Variants in COMMD10 observed in about 807,000 individuals in gnomAD.
COMMD10 encodes the protein COMM domain containing 10, also known as COMM domain-containing protein 10.
In COMMD10, 33 loss-of-function variants were observed where a neutral mutation model predicts 28.9. That is an observed-to-expected ratio of 1.14 (90% CI 0.87 to 1.53). The LOEUF (loss-of-function observed/expected upper bound fraction) is 1.53. Ranked by LOEUF, COMMD10 falls within the 40% of genes most tolerant of loss-of-function variation. The pLI is 0.00. For missense variants in COMMD10, 310 were observed against 233.4 expected (o/e 1.33, Z -2.14); for synonymous variants, 110 against 81.7 (o/e 1.35, Z -1.87).
At chr5:116,099,790 T>C (rs946740339) in intron 4 of COMMD10, among the ~76,000 whole-genome samples, 2 of 152,186 alleles carry the variant, frequency 1.3e-5, no homozygotes, top group Non-Finnish European at 2.9e-5. Context: ...AGTTTTTAAA[T>C]GGGTTATTAG....
At chr5:116,268,815 G>C (rs1163363451) in intron 5 of COMMD10, among the ~76,000 whole-genome samples, 9 of 151,730 alleles carry the variant, frequency 5.9e-5, no homozygotes, top group Non-Finnish European at 8.8e-5. Context: ...GATGAAGCTG[G>C]AAACCATCAT....
At position 116,129,752 on chromosome 5, in the gene COMMD10, T is replaced by C. The variant is rs1751803819; in HGVS notation, c.400-4316T>C. ...TACTATGTGATATACAGTATATATA[T>C]ATACTATATACTATATAATATACAT... On this transcript the variant is annotated intron_variant, in intron 4 of 6. Transcript: ENST00000274458. Among the ~76,000 whole-genome samples, 2 of 133,360 alleles carry C rather than the reference T, an allele frequency of 1.5e-5. 1 individual carries two copies. The allele number at this position is 133,360 out of a possible 152,430, so 87.5% of individuals were successfully genotyped here. A position where few individuals can be genotyped will look rare whatever the true frequency, so the allele number is the denominator to read the frequency against.
chr5:116,242,375 C>T (rs919033546), intron 5 of COMMD10, among the ~76,000 whole-genome samples: 17 of 152,180 alleles, frequency 1.1e-4, no homozygotes, highest in African/African-American at 3.9e-4. Flanking sequence ...GAATTTCAGT[C>T]ACTTTAACAC....
chr5:116,093,723 T>C (rs1370841444), intron 4 of COMMD10, among the ~76,000 whole-genome samples: 1 of 152,098 alleles, frequency 6.6e-6, no homozygotes, highest in African/African-American at 2.4e-5. Context: ...GCCAAAGCAA[T>C]CCTAAGCAAA....
chr5:116,263,589 T>C (rs909976807), intron 5 of COMMD10, among the ~76,000 whole-genome samples: 1 of 151,714 alleles, frequency 6.6e-6, no homozygotes, highest in African/African-American at 2.4e-5. Flanking sequence ...CTGCTCTCTC[T>C]CTGAAGTCTG....
intron 5 of COMMD10, among the ~76,000 whole-genome samples, chr5:116,284,494 T>C (rs1197586892): frequency 6.6e-6 from 1 of 151,930 alleles, no homozygotes; most frequent in African/African-American, 2.4e-5. Context: ...TTATTCAGTA[T>C]GACATAATAT....
chr5:116,133,008 A>G (rs1751909516), intron 4 of COMMD10, among the ~76,000 whole-genome samples: 1 of 152,122 alleles, frequency 6.6e-6, no homozygotes, highest in South Asian at 2.1e-4. Flanking sequence ...CTGTCTTTCC[A>G]ACTTGGCTTT....
chr5:116,191,831 A>G (rs1377167350), intron 5 of COMMD10, among the ~76,000 whole-genome samples: 1 of 152,042 alleles, frequency 6.6e-6, no homozygotes, highest in Non-Finnish European at 1.5e-5. Context: ...GCAGGAGGCC[A>G]ACCAGCACTA....
intron 4 of COMMD10, among the ~76,000 whole-genome samples, chr5:116,128,405 A>T (rs372816564): frequency 6.6e-6 from 1 of 152,056 alleles, no homozygotes; most frequent in Admixed American, 6.6e-5. Flanking sequence ...AACCTAGGAC[A>T]TTAAAGTGTA....
intron 5 of COMMD10, among the ~76,000 whole-genome samples, chr5:116,155,917 G>T (rs1038584650): frequency 7.9e-5 from 12 of 151,950 alleles, no homozygotes; most frequent in African/African-American, 2.9e-4. Flanking sequence ...AATTATAGAA[G>T]TCAATTATCT....
intron 5 of COMMD10, among the ~76,000 whole-genome samples, chr5:116,146,969 T>G (rs1752370539): frequency 6.6e-6 from 1 of 151,876 alleles, no homozygotes; most frequent in African/African-American, 2.4e-5. Context: ...TGTCCATATT[T>G]TAAAAAACTA....
chr5:116,107,119 T>C (rs936246164), intron 4 of COMMD10, among the ~76,000 whole-genome samples: 2 of 152,120 alleles, frequency 1.3e-5, no homozygotes, highest in Non-Finnish European at 2.9e-5. Flanking sequence ...ATTTTTTCCT[T>C]TATTTCCACC....
intron 5 of COMMD10, among the ~76,000 whole-genome samples, chr5:116,167,584 G>T (rs1753169449): frequency 6.6e-6 from 1 of 152,094 alleles, no homozygotes; most frequent in African/African-American, 2.4e-5. Context: ...AATGTTAAGG[G>T]CAGCCAGAGA....
At chr5:116,105,496 T>C (rs1170622971) in intron 4 of COMMD10, among the ~76,000 whole-genome samples, 4 of 152,222 alleles carry the variant, frequency 2.6e-5, no homozygotes, top group Non-Finnish European at 2.9e-5. Flanking sequence ...AAGGATTCCC[T>C]CTTTTTCTGT....
intron 4 of COMMD10, among the ~76,000 whole-genome samples, chr5:116,107,839 T>C (rs148604310): frequency 0.013 from 2,032 of 152,308 alleles, 46 homozygotes; most frequent in African/African-American, 0.045. Context: ...TGTTCTTTGA[T>C]GTTGGTGACC....
intron 5 of COMMD10, among the ~76,000 whole-genome samples, chr5:116,207,242 T>C (rs921149953): frequency 1.3e-5 from 2 of 152,210 alleles, no homozygotes; most frequent in African/African-American, 4.8e-5. Context: ...TTAGGAGTTA[T>C]AAATGTCCAA....
chr5:116,173,747 A>G lies in COMMD10; in HGVS notation c.510+39569A>G, dbSNP rs1036155259. On this transcript the variant is annotated intron_variant, in intron 5 of 6. Transcript: ENST00000274458. The stretch of plus-strand genomic sequence containing the variant: ...GTTGTAGAGATACAAATAGAATTGC[A>G]CATACTAACTGCAGAAGCCAAAGCA... Among the ~76,000 whole-genome samples, 7 of 152,186 alleles carry G rather than the reference A, an allele frequency of 4.6e-5. No individual in the cohort carries two copies. In the East Asian group the frequency reaches 9.7e-4, roughly 21 times the overall value.
At chr5:116,272,921 T>C (rs1335042545) in intron 5 of COMMD10, among the ~76,000 whole-genome samples, 1 of 151,872 alleles carries the variant, frequency 6.6e-6, no homozygotes, top group African/African-American at 2.4e-5. Flanking sequence ...ATGTGGATGG[T>C]CTGTCACTGT....
Position 116,198,533 on chromosome 5 carries a change from A to C in COMMD10, c.510+64355A>C, listed in dbSNP as rs181370316. Among the ~76,000 whole-genome samples, 37 of 152,272 alleles carry C rather than the reference A, an allele frequency of 2.4e-4. 1 individual carries two copies. The Middle Eastern group carries it at 0.01, about 42-fold the overall frequency. ...AGATGAACCTATATGATTATCACTC[A>C]AGACCCTAGTTAATATTAGGGTTCA... is the stretch of plus-strand genomic sequence containing the variant. On this transcript the variant is annotated intron_variant, in intron 5 of 6. Coordinates refer to ENST00000274458, the MANE Select transcript of COMMD10 (RefSeq NM_016144.4).
Sources: gnomAD v4.1 joint callset for allele counts (sites outside exome capture counted in the v4.1 genomes callset) on GRCh38, gnomAD v4.1.1 for gene constraint, MANE v1.5 for transcripts, NCBI Gene and HGNC (gene_info 2026-07-23, HGNC 2026-07-21) for gene names.